The following HDAC1 variants were observed in gnomAD, a reference collection of about 807,000 sequenced individuals.
The protein encoded by HDAC1 is histone deacetylase 1, also known as protein deacetylase HDAC1.
HDAC1 carries 18 observed loss-of-function variants against 65.5 expected under a neutral mutation model. The observed-to-expected ratio is 0.27, with a 90% confidence interval of 0.19 to 0.41. The LOEUF (loss-of-function observed/expected upper bound fraction) is 0.41. HDAC1 is among the 10% of genes least tolerant of loss of function. The pLI is 1.00. For synonymous variants in HDAC1, 211 were observed against 227.9 expected, an observed-to-expected ratio of 0.93 and a Z score of 0.67; for missense variants, 373 against 625.2, an observed-to-expected ratio of 0.60 and a Z score of 4.30.
intron 2 of HDAC1, among the ~76,000 whole-genome samples, chr1:32,311,714 G>C (rs1640995093): frequency 6.6e-6 from 1 of 152,150 alleles, no homozygotes; most frequent in Non-Finnish European, 1.5e-5. Flanking sequence ...AATAATGAAA[G>C]AGAACTTTTG....
Position 32,330,679 on chromosome 1 carries a change from T to C in HDAC1, c.831T>C (p.Thr277=), listed in dbSNP as rs1354578552. The change falls in exon 8 of 14, where the codon ACT becomes ACC. Residue 277 remains threonine, a synonymous_variant. Coordinates refer to ENST00000373548, the MANE Select transcript of HDAC1 (RefSeq NM_004964.3). The surrounding 1 kb of genome is among the most constrained non-coding windows in gnomAD (Gnocchi z 4.2). The part of the protein sequence containing the change: ...SGDRLGCFNL[T]IKGHAKCVEF... ...ATCGGTTAGGTTGCTTCAATCTAAC[T>C]ATCAAAGGTGAGACCAGGTAGCACA... 6.2e-6 allele frequency: 10 copies of C among 1,613,488 alleles called. No homozygotes were observed. Among genetic ancestry groups the C allele is most frequent in the Middle Eastern group, 1.7e-4 (1 of 6,058 alleles).
Position 32,329,994 on chromosome 1 carries a change from G to C in HDAC1, c.730-584G>C, listed in dbSNP as rs538612163. 5.8e-5 allele frequency: 9 copies of C among 154,708 alleles called. No individual in the cohort carries two copies. Among genetic ancestry groups the C allele is most frequent in the African/African-American group, 1.9e-4 (8 of 41,540 alleles). 9.6% of individuals were successfully genotyped at this position (154,708 alleles called of 1,614,324 possible). A position where few individuals can be genotyped will look rare whatever the true frequency, so the allele number is the denominator to read the frequency against. ...TATGCTGGGCTCAGTATTTCAAAGG[G>C]AGCCTTGAATGCCATGCCAAGGAGT... is the stretch of plus-strand genomic sequence containing the variant. On this transcript the variant is annotated intron_variant, in intron 7 of 13. Coordinates refer to ENST00000373548, the MANE Select transcript of HDAC1 (RefSeq NM_004964.3). This position sits in a 1 kb window ranked among gnomAD's most constrained non-coding sequence, Gnocchi z 4.1.
intron 1 of HDAC1, 126 bp from the exon 2 acceptor site, chr1:32,302,495 G>A (rs1363833502): frequency 5.3e-6 from 3 of 561,602 alleles, no homozygotes; most frequent in African/African-American, 3.8e-5. Flanking sequence ...AAAGGTGGGA[G>A]AGAATCTTGG....
intron 2 of HDAC1, among the ~76,000 whole-genome samples, chr1:32,314,697 G>C (rs543751229): frequency 2.3e-4 from 35 of 151,932 alleles, no homozygotes; most frequent in Non-Finnish European, 4.4e-4. Context: ...GTGATGGCGG[G>C]CGCCTGTAGT....
chr1:32,308,511 T>C (rs780321395), intron 2 of HDAC1, among the ~76,000 whole-genome samples: 1 of 152,150 alleles, frequency 6.6e-6, no homozygotes, highest in Non-Finnish European at 1.5e-5. Context: ...TGTTTTGTTT[T>C]TTTAATTTTT....
At chr1:32,307,966 C>A (rs540795389) in intron 2 of HDAC1, among the ~76,000 whole-genome samples, 45 of 152,130 alleles carry the variant, frequency 3.0e-4, no homozygotes, top group Non-Finnish European at 5.0e-4. Flanking sequence ...AGAGCAGGGG[C>A]AATTAAATTG....
chr1:32,325,917 C>T (rs1329591605), intron 4 of HDAC1, among the ~76,000 whole-genome samples: 1 of 151,892 alleles, frequency 6.6e-6, no homozygotes, highest in African/African-American at 2.4e-5. Context: ...ATCCCAGCTA[C>T]TTGGGAGGCT....
chr1:32,320,530 G>C (rs1187156187), intron 3 of HDAC1, among the ~76,000 whole-genome samples: 1 of 152,128 alleles, frequency 6.6e-6, no homozygotes, highest in Non-Finnish European at 1.5e-5. Flanking sequence ...CACACAGCAA[G>C]GTGATGGTAG....
Position 32,314,925 on chromosome 1 carries a change from C to T in HDAC1, c.163-1740C>T, listed in dbSNP as rs925740513. Among the ~76,000 whole-genome samples the T allele has an allele frequency of 4.0e-5, 6 of 151,736 alleles. No homozygotes were observed. The South Asian group carries it at 1.2e-3, about 31-fold the overall frequency. Reference sequence around the variant, plus strand: ...TAGAATTTTAGTGATGTTTTTGTGACAGAAATATGCTGTAGGAGCTTAAGT... The same window carrying T: ...TAGAATTTTAGTGATGTTTTTGTGATAGAAATATGCTGTAGGAGCTTAAGT... On this transcript the variant is annotated intron_variant, in intron 2 of 13. Coordinates refer to ENST00000373548, the MANE Select transcript of HDAC1 (RefSeq NM_004964.3).
At chr1:32,295,792 G>A (rs1640760837) in intron 1 of HDAC1, among the ~76,000 whole-genome samples, 1 of 151,912 alleles carries the variant, frequency 6.6e-6, no homozygotes, top group South Asian at 2.1e-4. Context: ...TTTGTTTGTT[G>A]TAGAGATGTT....
At position 32,329,380 on chromosome 1, in the gene HDAC1, T is replaced by C. The variant is rs1641261373; in HGVS notation, c.729+220T>C. 3.3e-6 allele frequency: 2 copies of C among 597,698 alleles called. No individual in the cohort carries two copies. The highest frequency in any genetic ancestry group is 2.9e-5 in the Admixed American group (1 of 34,158). The allele number at this position is 597,698 out of a possible 1,614,324, so 37.0% of individuals were successfully genotyped here. On this transcript the variant is annotated intron_variant, in intron 7 of 13. Coordinates refer to ENST00000373548, the MANE Select transcript of HDAC1 (RefSeq NM_004964.3). This position sits in a 1 kb window ranked among gnomAD's most constrained non-coding sequence, Gnocchi z 4.1. ...TCAGGTCTTCTGCTGGATACAAAAA[T>C]ATCTAAGACATGATCTTTGCCCTCA...
At chr1:32,315,871 A>C (rs951818882) in intron 2 of HDAC1, among the ~76,000 whole-genome samples, 2 of 151,502 alleles carry the variant, frequency 1.3e-5, no homozygotes, top group African/African-American at 4.8e-5. Context: ...AGGCTGAGGC[A>C]GGAGAATCGC....
In HDAC1 at chr1:32,331,017, T is replaced by C; in HGVS notation, c.979+109T>C. 1.1e-6 allele frequency: 1 copy of C among 929,026 alleles called. No homozygotes were observed. Among genetic ancestry groups the C allele is most frequent in the Non-Finnish European group, 1.7e-6 (1 of 591,556 alleles). The allele number at this position is 929,026 out of a possible 1,614,324, so 57.5% of individuals were successfully genotyped here. A position where few individuals can be genotyped will look rare whatever the true frequency, so the allele number is the denominator to read the frequency against. On this transcript the variant is annotated intron_variant, in intron 9 of 13. Coordinates refer to ENST00000373548, the MANE Select transcript of HDAC1 (RefSeq NM_004964.3). The surrounding 1 kb of genome is among the most constrained non-coding windows in gnomAD (Gnocchi z 4.2). ...GGTCATATGACCGCTCCTCTTCTGA[T>C]ACTAGTCACTGAGTCTCCTGCCTGT...
intron 4 of HDAC1, among the ~76,000 whole-genome samples, chr1:32,325,863 TA>T (rs1333990979): frequency 2.0e-5 from 3 of 151,978 alleles, no homozygotes; most frequent in African/African-American, 7.2e-5. Context: ...CCATCTATAC[TA>T]AAAAATACAA....
rs774159115 is a variant in HDAC1, at chr1:32,327,123, G to C, written c.494+46G>C. ...CTCTTGGAAGAGCACCTTAGGCCAG[G>C]TTCCCATTTCCCTCTTCCCCTGGGC... On this transcript the variant is annotated intron_variant, in intron 5 of 13. Transcript: ENST00000373548. The surrounding 1 kb of genome is among the most constrained non-coding windows in gnomAD (Gnocchi z 6.0). The C allele has an allele frequency of 1.2e-6, 2 of 1,602,138 alleles. No individual in the cohort carries two copies. Among genetic ancestry groups the C allele is most frequent in the Non-Finnish European group, 8.5e-7 (1 of 1,172,426 alleles).
Position 32,302,627 on chromosome 1 carries a change from T to C in HDAC1, c.56T>C (p.Val19Ala), listed in dbSNP as rs764709020. 2.0e-6 allele frequency: 3 copies of C among 1,535,198 alleles called. No individual in the cohort carries two copies. Among genetic ancestry groups the C allele is most frequent in the Middle Eastern group, 1.7e-4 (1 of 5,936 alleles). ...RKVCYYYDGDVGNYYYGQGHP... is the reference protein window; with the variant it reads ...RKVCYYYDGDAGNYYYGQGHP... Reference sequence around the variant, plus strand: ...GTCACTCTCTCTTCTTCAGGGGATGTTGGAAATTACTATTATGGACAAGGC... The same window carrying C: ...GTCACTCTCTCTTCTTCAGGGGATGCTGGAAATTACTATTATGGACAAGGC... The change falls in exon 2 of 14, where the codon GTT becomes GCT. Residue 19 changes from valine (V) to alanine (A), a missense_variant. Transcript: ENST00000373548.
At chr1:32,322,334 G>A (rs1307674507) in intron 3 of HDAC1, among the ~76,000 whole-genome samples, 1 of 151,796 alleles carries the variant, frequency 6.6e-6, no homozygotes, top group African/African-American at 2.4e-5. Flanking sequence ...TGGAATGCAG[G>A]GGTGCAATCT....
chr1:32,322,457 C>CG (rs1333722191), intron 3 of HDAC1, among the ~76,000 whole-genome samples: 2 of 151,992 alleles, frequency 1.3e-5, no homozygotes, highest in Non-Finnish European at 2.9e-5. Context: ...TTAGTAGAGA[C>CG]GGGGTTTCTC....
Position 32,329,211 on chromosome 1 carries a change from G to A in HDAC1, c.729+51G>A, listed in dbSNP as rs1350292347. 1 of 1,082,356 alleles carries A rather than the reference G, an allele frequency of 9.2e-7. No individual in the cohort carries two copies. The highest frequency in any genetic ancestry group is 1.4e-6 in the Non-Finnish European group (1 of 694,594). 67.0% of individuals were successfully genotyped at this position (1,082,356 alleles called of 1,614,324 possible). A position where few individuals can be genotyped will look rare whatever the true frequency, so the allele number is the denominator to read the frequency against. On this transcript the variant is annotated intron_variant, in intron 7 of 13. Transcript: ENST00000373548. This position sits in a 1 kb window ranked among gnomAD's most constrained non-coding sequence, Gnocchi z 4.1. ...GCTACAAACAGGGGATTGGTTGGCGGTGGAGGGGAGCAAAGCACCCCCACC... is the reference window on the plus strand; with the variant it reads ...GCTACAAACAGGGGATTGGTTGGCGATGGAGGGGAGCAAAGCACCCCCACC...
Sources: allele counts gnomAD v4.1 joint callset (sites outside exome capture counted in the v4.1 genomes callset), GRCh38; gene constraint gnomAD v4.1.1; non-coding constraint Gnocchi (gnomAD v3.1); transcripts MANE v1.5; gene names NCBI Gene and HGNC (gene_info 2026-07-23, HGNC 2026-07-21).